Variants in NOP58 observed in about 807,000 individuals in gnomAD.
The protein encoded by NOP58 is nucleolar protein 58.
In NOP58, 44 loss-of-function variants were observed where a neutral mutation model predicts 71.2. The observed-to-expected ratio is 0.62, with a 90% CI of 0.49 to 0.79. NOP58 has a LOEUF of 0.79. Among genes scored for constraint, NOP58 ranks in the 30% least tolerant of loss-of-function variants. NOP58 has a pLI of 0.00. For missense variants in NOP58, 538 were observed against 620.2 expected (o/e 0.87, Z 1.41); for synonymous variants, 228 against 200.3 (o/e 1.14, Z -1.17).
Position 202,303,061 on chromosome 2 carries a change from TG to T in NOP58, c.1539+5del. 1 of 1,606,682 alleles carries T rather than the reference TG, an allele frequency of 6.2e-7. No homozygotes were observed. Among genetic ancestry groups the T allele is most frequent in the Non-Finnish European group, 8.5e-7 (1 of 1,178,456 alleles). On this transcript the variant is annotated splice_donor_5th_base_variant and intron_variant, in intron 14 of 14. Coordinates refer to ENST00000264279, the MANE Select transcript of NOP58 (RefSeq NM_015934.5). ...ATGTACCAGCACAGCAATTGCTGTA[TG>T]TTTGTTTTTAATTATCGGTTTTCAC...
chr2:202,293,596 G>C (rs551968756), intron 9 of NOP58, among the ~76,000 whole-genome samples: 1 of 150,446 alleles, frequency 6.6e-6, no homozygotes, highest in South Asian at 2.1e-4. Context: ...CTTTTTTTTT[G>C]TTTGAGACAG....
intron 13 of NOP58, among the ~76,000 whole-genome samples, chr2:202,300,604 A>G (rs1321475426): frequency 6.6e-6 from 1 of 152,246 alleles, no homozygotes; most frequent in Non-Finnish European, 1.5e-5. Context: ...AGAGTTCCAA[A>G]ACTTCATTTC....
At chr2:202,279,624 G>A (rs879391253) in intron 3 of NOP58, among the ~76,000 whole-genome samples, 3 of 152,108 alleles carry the variant, frequency 2.0e-5, no homozygotes, top group Admixed American at 6.6e-5. Flanking sequence ...GTGAAACCTC[G>A]TCTCTACTGA....
chr2:202,279,782 A>C (rs1688670443), intron 3 of NOP58, among the ~76,000 whole-genome samples: 1 of 152,242 alleles, frequency 6.6e-6, no homozygotes, highest in Non-Finnish European at 1.5e-5. Flanking sequence ...CAACAGAGCG[A>C]GACTCCTTCT....
chr2:202,289,905 T>C (rs1209089790), intron 6 of NOP58, among the ~76,000 whole-genome samples: 1 of 152,170 alleles, frequency 6.6e-6, no homozygotes. Context: ...GAATACTTAA[T>C]GCTACTGAAT....
intron 12 of NOP58, 138 bp from the exon 13 acceptor site, chr2:202,300,096 C>A: frequency 1.4e-6 from 1 of 708,262 alleles, no homozygotes; most frequent in Non-Finnish European, 2.3e-6. Context: ...TCTTCATAAA[C>A]TACCCCAAAG....
chr2:202,297,439 G>T lies in NOP58; in HGVS notation c.1132G>T (p.Asp378Tyr). 1 of 1,614,048 alleles carries T rather than the reference G, an allele frequency of 6.2e-7. No homozygotes were observed. The highest frequency in any genetic ancestry group is 2.2e-5 in the East Asian group (1 of 44,872). The stretch of plus-strand genomic sequence containing the variant: ...TATCCGTTATGATGCTTTTGGTGAG[G>T]ATTCAAGTTCTGCAATGGGAGTTGA... ...LAIRYDAFGE[D>Y]SSSAMGVENR... is the part of the protein sequence containing the mutation. The change falls in exon 11 of 15, where the codon GAT becomes TAT. Residue 378 changes from aspartate (D) to tyrosine (Y), a missense_variant. Coordinates refer to ENST00000264279, the MANE Select transcript of NOP58 (RefSeq NM_015934.5).
intron 1 of NOP58, among the ~76,000 whole-genome samples, chr2:202,268,761 A>T (rs1574374082): frequency 6.6e-6 from 1 of 150,466 alleles, no homozygotes; most frequent in African/African-American, 2.4e-5. Context: ...ACCAGCATGC[A>T]CCACCACGCC....
chr2:202,282,391 G>A lies in NOP58; in HGVS notation c.216G>A (p.Leu72=). 1.9e-6 allele frequency: 3 copies of A among 1,613,172 alleles called. No homozygotes were observed. The highest frequency in any genetic ancestry group is 1.1e-5 in the South Asian group (1 of 90,864). ...ALMEGKINKQ[L]KKVLKKIVKE... ...TGGAGGGCAAAATCAATAAGCAGCT[G>A]AAAAAAGTTCTGAAGAAAATAGTAA... The change falls in exon 4 of 15, where the codon CTG becomes CTA. Residue 72 remains leucine (L), a synonymous_variant. Coordinates refer to ENST00000264279, the MANE Select transcript of NOP58 (RefSeq NM_015934.5).
At chr2:202,282,312 T>G (rs1361808033) in intron 3 of NOP58, 39 bp from the exon 4 acceptor site, 1 of 1,570,936 alleles carries the variant, frequency 6.4e-7, no homozygotes, top group East Asian at 2.2e-5. Context: ...AGTTAAAAAT[T>G]TGAGAGTTAA....
chr2:202,289,303 G>A (rs1187712489), intron 6 of NOP58, among the ~76,000 whole-genome samples: 1 of 152,208 alleles, frequency 6.6e-6, no homozygotes, highest in Non-Finnish European at 1.5e-5. Context: ...CATTGTGGAT[G>A]CAGCTTGAAT....
chr2:202,297,452 C>T lies in NOP58; in HGVS notation c.1145C>T (p.Ala382Val), dbSNP rs1406847675. 2 of 1,613,766 alleles carry T rather than the reference C, an allele frequency of 1.2e-6. No individual in the cohort carries two copies. The highest frequency in any genetic ancestry group is 1.7e-6 in the Non-Finnish European group (2 of 1,179,862). ...GCTTTTGGTGAGGATTCAAGTTCTG[C>T]AATGGGAGTTGAGAACAGAGCCAAA... The part of the protein sequence containing the change: ...YDAFGEDSSS[A>V]MGVENRAKLE... The change falls in exon 11 of 15, where the codon GCA (alanine) becomes GTA (valine). Residue 382 changes from alanine to valine, a missense_variant. Coordinates refer to ENST00000264279, the MANE Select transcript of NOP58 (RefSeq NM_015934.5).
chr2:202,273,813 C>T (rs906037353), intron 1 of NOP58, among the ~76,000 whole-genome samples: 6 of 151,960 alleles, frequency 3.9e-5, no homozygotes, highest in Non-Finnish European at 8.8e-5. Flanking sequence ...TGTTGTGGTG[C>T]GTGCCTGTAA....
chr2:202,282,033 A>C (rs1156920189), intron 3 of NOP58, among the ~76,000 whole-genome samples: 1 of 152,176 alleles, frequency 6.6e-6, no homozygotes, highest in Non-Finnish European at 1.5e-5. Context: ...AAGGAAAGTG[A>C]GTCTGTTTTG....
At chr2:202,293,521 CATT>C (rs1688940664) in intron 9 of NOP58, among the ~76,000 whole-genome samples, 1 of 152,136 alleles carries the variant, frequency 6.6e-6, no homozygotes, top group Non-Finnish European at 1.5e-5. Flanking sequence ...TACTTGGAGA[CATT>C]GTTATAATTC....
chr2:202,288,908 C>T (rs563107312), intron 6 of NOP58, among the ~76,000 whole-genome samples: 19 of 151,894 alleles, frequency 1.3e-4, no homozygotes, highest in Non-Finnish European at 2.1e-4. Flanking sequence ...TGCCTGAGCT[C>T]GGGAGTTTGA....
At chr2:202,274,400 A>ATTTTTTT (rs1173477305) in intron 1 of NOP58, among the ~76,000 whole-genome samples, 424 of 104,478 alleles carry the variant, frequency 4.1e-3, no homozygotes, top group Non-Finnish European at 4.9e-3. Flanking sequence ...CTAATTTTGT[A>ATTTTTTT]TTTTTTTTTT....
intron 10 of NOP58, among the ~76,000 whole-genome samples, chr2:202,296,364 C>T (rs758245245): frequency 6.6e-6 from 1 of 151,994 alleles, no homozygotes; most frequent in East Asian, 1.9e-4. Context: ...CCACCACGCC[C>T]GGCTAATTTT....
At chr2:202,278,248 T>G in intron 3 of NOP58, 1 of 594,042 alleles carries the variant, frequency 1.7e-6, no homozygotes. Context: ...AGGTGAGAAG[T>G]GGTTAAGTTG....
Sources: gnomAD v4.1 joint callset for allele counts (sites outside exome capture counted in the v4.1 genomes callset) on GRCh38, gnomAD v4.1.1 for gene constraint, MANE v1.5 for transcripts, NCBI Gene and HGNC (gene_info 2026-07-23, HGNC 2026-07-21) for gene names.